ZNF407: variants seen among roughly 807,000 people sequenced by gnomAD.
ZNF407 encodes the protein zinc finger protein 407.
Under a neutral mutation model 131.2 loss-of-function variants are expected in ZNF407, and 17 were observed. That is an observed-to-expected ratio of 0.13 (90% CI 0.09 to 0.19). The LOEUF (loss-of-function observed/expected upper bound fraction) is 0.19, where lower values mean the gene tolerates loss of function less well. Ranked by LOEUF, ZNF407 falls within the 10% of genes least tolerant of loss-of-function variation. ZNF407 has a pLI of 1.00. For synonymous variants in ZNF407, 1,156 were observed against 1,062.0 expected (o/e 1.09, Z -1.72); for missense variants, 2,681 against 2,830.6 (o/e 0.95, Z 1.20).
rs117813537 is a variant in ZNF407 at position 74,736,792 on chromosome 18, T to C, written c.4803-44636T>C. 2.3e-3 allele frequency among the ~76,000 whole-genome samples: 353 copies of C among 152,358 alleles called. 1 individual carries two copies. Among genetic ancestry groups the C allele is most frequent in the Non-Finnish European group, 3.4e-3 (229 of 68,032 alleles). On this transcript the variant is annotated intron_variant, in intron 3 of 8. Coordinates refer to ENST00000299687, the MANE Select transcript of ZNF407 (RefSeq NM_017757.3). ...TACATATTTTTAAAGTCAAGAATTA[T>C]GTTTCCCATTAAATAAACGTTCTCA...
intron 3 of ZNF407, among the ~76,000 whole-genome samples, chr18:74,681,419 T>A (rs1222575748): frequency 6.6e-6 from 1 of 151,986 alleles, no homozygotes; most frequent in Non-Finnish European, 1.5e-5. Flanking sequence ...AGTTTTAAAT[T>A]TTTGGTAGAG....
At chr18:74,791,789 G>A (rs888565737) in intron 4 of ZNF407, among the ~76,000 whole-genome samples, 1 of 152,084 alleles carries the variant, frequency 6.6e-6, no homozygotes, top group African/African-American at 2.4e-5. Context: ...AGACTAGATG[G>A]TTAATTTCTT....
chr18:74,601,866 A>T (rs1220059775), intron 1 of ZNF407, among the ~76,000 whole-genome samples: 2 of 152,234 alleles, frequency 1.3e-5, no homozygotes, highest in African/African-American at 4.8e-5. Flanking sequence ...GAGGGGAATC[A>T]GTAAATATTG....
intron 3 of ZNF407, among the ~76,000 whole-genome samples, chr18:74,688,367 G>A (rs1211794174): frequency 6.6e-6 from 1 of 152,180 alleles, no homozygotes; most frequent in African/African-American, 2.4e-5. Flanking sequence ...TTGGATATAG[G>A]AGCCTAACAG....
intron 3 of ZNF407, among the ~76,000 whole-genome samples, chr18:74,710,282 G>T (rs530425017): frequency 3.3e-5 from 5 of 152,208 alleles, no homozygotes; most frequent in Non-Finnish European, 7.3e-5. Context: ...AACCTCTCTA[G>T]TGTAGCATGA....
At chr18:75,035,078 C>T (rs1178222609) in intron 8 of ZNF407, among the ~76,000 whole-genome samples, 3 of 152,278 alleles carry the variant, frequency 2.0e-5, no homozygotes, top group South Asian at 4.1e-4. Flanking sequence ...TAATACGGCA[C>T]TGAAAAAATT....
At chr18:74,651,268 T>G (rs749917688) in intron 3 of ZNF407, among the ~76,000 whole-genome samples, 32 of 152,170 alleles carry the variant, frequency 2.1e-4, no homozygotes, top group Non-Finnish European at 4.4e-4. Flanking sequence ...GAAGGAGATT[T>G]AAGAATCTTG....
chr18:74,773,106 T>C (rs1969395442), intron 3 of ZNF407, among the ~76,000 whole-genome samples: 1 of 152,130 alleles, frequency 6.6e-6, no homozygotes, highest in Non-Finnish European at 1.5e-5. Flanking sequence ...AATATTTTAG[T>C]GTCATCCACA....
intron 8 of ZNF407, among the ~76,000 whole-genome samples, chr18:75,031,092 C>T (rs141270858): frequency 6.6e-5 from 10 of 152,272 alleles, no homozygotes; most frequent in African/African-American, 2.4e-4. Context: ...AGCAGCAGTT[C>T]ACTCACCTGC....
intron 8 of ZNF407, among the ~76,000 whole-genome samples, chr18:75,014,806 T>G (rs959242635): frequency 6.6e-6 from 1 of 152,128 alleles, no homozygotes; most frequent in African/African-American, 2.4e-5. Flanking sequence ...TTAAAACACT[T>G]AAGAATTGAA....
intron 1 of ZNF407, among the ~76,000 whole-genome samples, chr18:74,607,192 A>G (rs1161520124): frequency 1.3e-5 from 2 of 152,102 alleles, no homozygotes; most frequent in East Asian, 3.9e-4. Context: ...AGTCACCCAG[A>G]GGGTTTGGGC....
chr18:74,860,848 G>A (rs1173556761), intron 4 of ZNF407, among the ~76,000 whole-genome samples: 7 of 152,014 alleles, frequency 4.6e-5, no homozygotes, highest in Non-Finnish European at 1.0e-4. Context: ...ATAAGACATG[G>A]CAGCTGTAAA....
At chr18:74,850,223 T>C (rs1970762011) in intron 4 of ZNF407, among the ~76,000 whole-genome samples, 1 of 152,268 alleles carries the variant, frequency 6.6e-6, no homozygotes, top group Admixed American at 6.5e-5. Flanking sequence ...AGTGAAACAC[T>C]GTTTTAAATC....
chr18:74,662,532 A>G (rs1201576475), intron 3 of ZNF407, among the ~76,000 whole-genome samples: 2 of 152,222 alleles, frequency 1.3e-5, no homozygotes, highest in Non-Finnish European at 2.9e-5. Flanking sequence ...ATATTTACCC[A>G]TGTTTTAAAT....
intron 4 of ZNF407, among the ~76,000 whole-genome samples, chr18:74,873,240 G>T (rs2145175302): frequency 6.6e-6 from 1 of 152,224 alleles, no homozygotes; most frequent in African/African-American, 2.4e-5. Flanking sequence ...AGAGTTTCTA[G>T]TTATTGTCAT....
chr18:74,750,650 A>G (rs969084060), intron 3 of ZNF407, among the ~76,000 whole-genome samples: 3 of 152,126 alleles, frequency 2.0e-5, no homozygotes, highest in African/African-American at 7.2e-5. Context: ...CACTTTTTAG[A>G]TATTATGACT....
chr18:75,057,805 G>A (rs888741297), intron 8 of ZNF407, among the ~76,000 whole-genome samples: 2 of 152,086 alleles, frequency 1.3e-5, no homozygotes, highest in African/African-American at 4.8e-5. Context: ...TCATTACAGG[G>A]GAAACTTCTC....
At chr18:74,795,048 TAC>T (rs1316827697) in intron 4 of ZNF407, among the ~76,000 whole-genome samples, 1 of 152,122 alleles carries the variant, frequency 6.6e-6, no homozygotes, top group Non-Finnish European at 1.5e-5. Flanking sequence ...TTTCAGAAGT[TAC>T]AGACTTTTCC....
At chr18:75,003,871 C>T (rs1029767767) in intron 8 of ZNF407, among the ~76,000 whole-genome samples, 1 of 152,132 alleles carries the variant, frequency 6.6e-6, no homozygotes, top group Non-Finnish European at 1.5e-5. Flanking sequence ...GAGTTAGAAC[C>T]TTCTACAGAC....
Sources: allele counts gnomAD v4.1 joint callset (sites outside exome capture counted in the v4.1 genomes callset), GRCh38; gene constraint gnomAD v4.1.1; transcripts MANE v1.5; gene names NCBI Gene and HGNC (gene_info 2026-07-23, HGNC 2026-07-21).